Variants in ZNF362 observed in about 807,000 individuals in gnomAD.
The protein encoded by ZNF362 is zinc finger protein 362.
Under a neutral mutation model 42.9 loss-of-function variants are expected in ZNF362, and 11 were observed. The observed-to-expected ratio is 0.26, with a 90% CI of 0.16 to 0.42. ZNF362 has a LOEUF of 0.42. Ranked by LOEUF, ZNF362 falls within the 20% of genes least tolerant of loss-of-function variation. The pLI is 1.00. For synonymous variants in ZNF362, 255 were observed against 257.3 expected, an observed-to-expected ratio of 0.99 and a Z score of 0.09; for missense variants, 362 against 576.2, an observed-to-expected ratio of 0.63 and a Z score of 3.81.
chr1:33,204,865 T>G, the ZNF362 span, among the ~76,000 whole-genome samples: 1 of 152,212 alleles, frequency 6.6e-6, no homozygotes, highest in Non-Finnish European at 1.5e-5. Flanking sequence ...TATTTCTATA[T>G]ATTAGCAACA....
At chr1:33,177,733 A>G in the ZNF362 span, among the ~76,000 whole-genome samples, 1 of 152,188 alleles carries the variant, frequency 6.6e-6, no homozygotes. This position sits in a 1 kb window ranked among gnomAD's most constrained non-coding sequence, Gnocchi z 4.1. Context: ...CAGACTTCCT[A>G]TAACACACAA....
At chr1:33,295,116 C>T in intron 7 of ZNF362, 31 bp from the exon 8 acceptor site, 2 of 1,587,492 alleles carry the variant, frequency 1.3e-6, no homozygotes, top group Non-Finnish European at 1.7e-6. Context: ...GAGCCCTGTT[C>T]CTCTCCTGAC....
intron 6 of ZNF362, among the ~76,000 whole-genome samples, chr1:33,282,980 A>G (rs893534098): frequency 2.0e-5 from 3 of 152,208 alleles, no homozygotes; most frequent in Non-Finnish European, 4.4e-5. Flanking sequence ...GTTTTCTCAC[A>G]TGACGATGAT....
chr1:33,283,863 T>C (rs1026696100), intron 6 of ZNF362, among the ~76,000 whole-genome samples: 1 of 152,218 alleles, frequency 6.6e-6, no homozygotes, highest in African/African-American at 2.4e-5. Flanking sequence ...TTTTAAAAAA[T>C]TTGGCCAGGT....
chr1:33,225,663 C>T, the ZNF362 span, among the ~76,000 whole-genome samples: 4 of 152,026 alleles, frequency 2.6e-5, no homozygotes, highest in Admixed American at 6.6e-5. Context: ...GGATGTTTTC[C>T]GTTGCAAGTT....
At chr1:33,293,360 C>T (rs1429363673) in intron 6 of ZNF362, among the ~76,000 whole-genome samples, 2 of 151,888 alleles carry the variant, frequency 1.3e-5, no homozygotes, top group Non-Finnish European at 2.9e-5. Flanking sequence ...TGCTGGACCA[C>T]CTGGTGAAGG....
chr1:33,221,788 G>A, the ZNF362 span, among the ~76,000 whole-genome samples: 4 of 152,240 alleles, frequency 2.6e-5, no homozygotes, highest in South Asian at 6.2e-4. Context: ...GTTCCTAGAG[G>A]GTTAAACAGA....
the ZNF362 span, among the ~76,000 whole-genome samples, chr1:33,224,615 T>G: frequency 6.6e-6 from 1 of 152,188 alleles, no homozygotes; most frequent in South Asian, 2.1e-4. Flanking sequence ...AGACCTATAA[T>G]TGCAAGAGAT....
Position 33,280,512 on chromosome 1 carries a change from A to G in ZNF362, c.683+55A>G, listed in dbSNP as rs905597746. On this transcript the variant is annotated intron_variant, in intron 5 of 8. Coordinates refer to ENST00000539719, the MANE Select transcript of ZNF362 (RefSeq NM_152493.3). The surrounding 1 kb of genome is among the most constrained non-coding windows in gnomAD (Gnocchi z 5.6). ...TGGGCTTGGGGCTGGGGCTTGAGCC[A>G]GGGCTGCTCCAGGAGCCCAGCAGCG... 3 of 1,486,420 alleles carry G rather than the reference A, an allele frequency of 2.0e-6. No homozygotes were observed. The highest frequency in any genetic ancestry group is 1.3e-5 in the South Asian group (1 of 74,460). The allele number at this position is 1,486,420 out of a possible 1,614,324, so 92.1% of individuals were successfully genotyped here.
the ZNF362 span, among the ~76,000 whole-genome samples, chr1:33,202,069 A>G: frequency 6.6e-6 from 1 of 152,264 alleles, no homozygotes. Context: ...TCACTCAAGA[A>G]GAAATAAATA....
chr1:33,187,918 A>G, the ZNF362 span, among the ~76,000 whole-genome samples: 1 of 152,132 alleles, frequency 6.6e-6, no homozygotes, highest in Non-Finnish European at 1.5e-5. Flanking sequence ...CCCTTACAAT[A>G]GCTATTGTCT....
At chr1:33,145,800 A>C in the ZNF362 span, 1 of 466,694 alleles carries the variant, frequency 2.1e-6, no homozygotes, top group East Asian at 7.0e-5. Flanking sequence ...GTTCTTCACG[A>C]TTGGATGCTG....
At chr1:33,184,088 C>T in the ZNF362 span, among the ~76,000 whole-genome samples, 5 of 150,138 alleles carry the variant, frequency 3.3e-5, no homozygotes, top group Non-Finnish European at 5.9e-5. Context: ...CTTCATTATT[C>T]AACATGTATT....
chr1:33,280,145 C>T lies in ZNF362; in HGVS notation c.371C>T (p.Thr124Ile). ...GCAGGTCTGGGGCTGTCCACCCGGA[C>T]CCCGTCTGTGAGCACTTCTGAGTCA... ...TVTGLGLSTR[T>I]PSVSTSESSA... Residue 124 changes from threonine (T) to isoleucine (I), a missense_variant, in exon 5 of 9, where the codon ACC becomes ATC. Coordinates refer to ENST00000539719, the MANE Select transcript of ZNF362 (RefSeq NM_152493.3). This position sits in a 1 kb window ranked among gnomAD's most constrained non-coding sequence, Gnocchi z 5.6. 2 of 1,588,292 alleles carry T rather than the reference C, an allele frequency of 1.3e-6. No individual in the cohort carries two copies. Among genetic ancestry groups the T allele is most frequent in the Non-Finnish European group, 1.7e-6 (2 of 1,163,216 alleles).
chr1:33,245,754 A>G, the ZNF362 span, among the ~76,000 whole-genome samples: 15 of 152,354 alleles, frequency 9.8e-5, no homozygotes, highest in African/African-American at 3.4e-4. Context: ...CCTAGGCAAC[A>G]TAGCAAGACC....
chr1:33,180,849 G>A, the ZNF362 span, among the ~76,000 whole-genome samples: 1 of 136,720 alleles, frequency 7.3e-6, no homozygotes, highest in Non-Finnish European at 1.6e-5. Flanking sequence ...GCCATGCGGC[G>A]GCCCCGCCCC....
chr1:33,213,613 G>A, the ZNF362 span, among the ~76,000 whole-genome samples: 1 of 152,082 alleles, frequency 6.6e-6, no homozygotes, highest in Non-Finnish European at 1.5e-5. Context: ...TTGGGAGGCC[G>A]AGGCGGGTGG....
At chr1:33,220,183 G>C in the ZNF362 span, among the ~76,000 whole-genome samples, 2 of 152,126 alleles carry the variant, frequency 1.3e-5, no homozygotes, top group Non-Finnish European at 2.9e-5. Context: ...AAGGTCACAG[G>C]ACTCTGCAGT....
At chr1:33,246,901 T>C in the ZNF362 span, among the ~76,000 whole-genome samples, 1 of 152,340 alleles carries the variant, frequency 6.6e-6, no homozygotes, top group South Asian at 2.1e-4. Flanking sequence ...TAGATGCCTG[T>C]AGGTGGCTGA....
Sources: gnomAD v4.1 joint callset for allele counts (sites outside exome capture counted in the v4.1 genomes callset) on GRCh38, gnomAD v4.1.1 for gene constraint, Gnocchi (gnomAD v3.1) non-coding constraint, MANE v1.5 for transcripts, NCBI Gene and HGNC (gene_info 2026-07-23, HGNC 2026-07-21) for gene names.